CDH12: variants seen among roughly 807,000 people sequenced by gnomAD.
CDH12 encodes cadherin-12.
Under a neutral mutation model 74.1 loss-of-function variants are expected in CDH12, and 41 were observed. The observed-to-expected ratio is 0.55, with a 90% confidence interval of 0.43 to 0.72. The LOEUF (loss-of-function observed/expected upper bound fraction) is 0.72, where lower values mean the gene tolerates loss of function less well. CDH12 is among the 30% of genes least tolerant of loss of function. The probability of loss-of-function intolerance (pLI) is 0.00; values close to 1 mark genes in which losing one functional copy is unlikely to be tolerated. For synonymous variants in CDH12, 399 were observed against 355.0 expected (o/e 1.12, Z -1.39); for missense variants, 945 against 977.2 (o/e 0.97, Z 0.44).
chr5:22,811,032 CATAA>C (rs1292217415), intron 1 of CDH12, among the ~76,000 whole-genome samples: 4 of 151,022 alleles, frequency 2.6e-5, no homozygotes, highest in East Asian at 1.9e-4. Context: ...TATGTACATA[CATAA>C]ATATATACAT....
At chr5:21,835,881 T>C (rs983027601) in intron 8 of CDH12, among the ~76,000 whole-genome samples, 1 of 151,842 alleles carries the variant, frequency 6.6e-6, no homozygotes, top group Admixed American at 6.6e-5. Flanking sequence ...GTATAGTTAT[T>C]GGCATATTAT....
intron 1 of CDH12, among the ~76,000 whole-genome samples, chr5:22,783,937 C>T (rs1277233061): frequency 7.9e-5 from 12 of 152,040 alleles, no homozygotes; most frequent in Non-Finnish European, 1.8e-4. Flanking sequence ...AAGTTTGCTC[C>T]TGATAAATCT....
intron 2 of CDH12, among the ~76,000 whole-genome samples, chr5:22,493,647 T>G (rs537110295): frequency 3.3e-5 from 5 of 152,172 alleles, no homozygotes; most frequent in African/African-American, 1.2e-4. Context: ...TGGGTAAAAT[T>G]TTTCCAGGTA....
chr5:22,745,446 T>C (rs971122039), intron 1 of CDH12, among the ~76,000 whole-genome samples: 1 of 152,188 alleles, frequency 6.6e-6, no homozygotes, highest in Non-Finnish European at 1.5e-5. Context: ...TAAATCATTC[T>C]ATTTTGAAGA....
At chr5:22,381,495 T>C (rs1229879499) in intron 3 of CDH12, among the ~76,000 whole-genome samples, 1 of 151,978 alleles carries the variant, frequency 6.6e-6, no homozygotes, top group Non-Finnish European at 1.5e-5. Flanking sequence ...TCTGGGACAT[T>C]TTATTTATTT....
intron 4 of CDH12, among the ~76,000 whole-genome samples, chr5:22,131,307 A>C (rs1019331347): frequency 1.3e-5 from 2 of 152,018 alleles, no homozygotes; most frequent in Admixed American, 1.3e-4. Context: ...TGATTTAGAC[A>C]CAACTGTCAC....
At chr5:22,343,329 G>GACACACAC (rs1739970614) in intron 3 of CDH12, among the ~76,000 whole-genome samples, 1 of 111,810 alleles carries the variant, frequency 8.9e-6, no homozygotes, top group African/African-American at 3.8e-5. Context: ...CACACAGAGA[G>GACACACAC]AGAGAGAGAG....
intron 3 of CDH12, among the ~76,000 whole-genome samples, chr5:22,387,030 G>A (rs900317242): frequency 2.6e-5 from 4 of 151,876 alleles, no homozygotes; most frequent in African/African-American, 9.7e-5. Flanking sequence ...AAAGTAATAT[G>A]ATTAAGTCTT....
intron 1 of CDH12, among the ~76,000 whole-genome samples, chr5:22,681,491 G>A (rs1045064952): frequency 6.6e-6 from 1 of 151,926 alleles, no homozygotes; most frequent in Non-Finnish European, 1.5e-5. Context: ...TGGAATAAGG[G>A]CTGCAAGATC....
chr5:22,338,829 G>T (rs1025586782), intron 3 of CDH12, among the ~76,000 whole-genome samples: 3 of 152,176 alleles, frequency 2.0e-5, no homozygotes, highest in African/African-American at 7.2e-5. Flanking sequence ...TAACTTGTTG[G>T]CTTTGAAGAA....
intron 4 of CDH12, among the ~76,000 whole-genome samples, chr5:22,153,598 T>G (rs1409668253): frequency 6.6e-6 from 1 of 151,112 alleles, no homozygotes; most frequent in African/African-American, 2.4e-5. Flanking sequence ...TAAGCCTCAG[T>G]TTCTTTATCT....
At chr5:22,845,512 A>G (rs1737261526) in intron 1 of CDH12, among the ~76,000 whole-genome samples, 1 of 152,140 alleles carries the variant, frequency 6.6e-6, no homozygotes, top group African/African-American at 2.4e-5. Flanking sequence ...TGTGCCCTCT[A>G]TGTGCGACTA....
chr5:22,084,653 G>A (rs1742950285), intron 4 of CDH12, among the ~76,000 whole-genome samples: 1 of 152,078 alleles, frequency 6.6e-6, no homozygotes, highest in South Asian at 2.1e-4. Context: ...TAACACTACA[G>A]TCCTTCAGTG....
At chr5:22,759,351 T>C (rs1289035728) in intron 1 of CDH12, among the ~76,000 whole-genome samples, 1 of 152,230 alleles carries the variant, frequency 6.6e-6, no homozygotes, top group Non-Finnish European at 1.5e-5. Context: ...TTTCCTGTCC[T>C]TATGCTAAAC....
intron 6 of CDH12, among the ~76,000 whole-genome samples, chr5:21,974,218 G>A (rs947738220): frequency 4.6e-5 from 7 of 151,386 alleles, no homozygotes; most frequent in South Asian, 4.1e-4. Flanking sequence ...GCTCATACAC[G>A]AATTTTAAGT....
chr5:22,284,317 T>C (rs957847899), intron 3 of CDH12, among the ~76,000 whole-genome samples: 2 of 152,150 alleles, frequency 1.3e-5, no homozygotes, highest in Admixed American at 1.3e-4. Context: ...ATTATCTCAG[T>C]TTCTTTAGGT....
At chr5:21,813,559 G>A (rs207465713) in intron 9 of CDH12, among the ~76,000 whole-genome samples, 19 of 152,184 alleles carry the variant, frequency 1.2e-4, no homozygotes, top group South Asian at 4.1e-4. Context: ...TCTATATCAC[G>A]ATCTGTTAAT....
At chr5:21,851,564 T>C (rs999324227) in intron 7 of CDH12, among the ~76,000 whole-genome samples, 7 of 151,196 alleles carry the variant, frequency 4.6e-5, no homozygotes, top group African/African-American at 1.7e-4. Flanking sequence ...TAGTTGTAGC[T>C]ACATTTTGAG....
In CDH12 at chr5:22,425,143, A is replaced by G. The variant is rs539424065; in HGVS notation, c.-427-19792T>C. 1.3e-3 allele frequency among the ~76,000 whole-genome samples: 156 copies of G among 124,014 alleles called. 1 individual carries two copies. Among genetic ancestry groups the G allele is most frequent in the East Asian group, 0.01 (40 of 3,930 alleles). 81.4% of individuals were successfully genotyped at this position (124,014 alleles called of 152,430 possible). A position where few individuals can be genotyped will look rare whatever the true frequency, so the allele number is the denominator to read the frequency against. ...ATGATATATATGTAAAATTATATAT[A>G]TGTGTGTGTGTATATATATATATAT... On this transcript the variant is annotated intron_variant, in intron 2 of 14. Transcript: ENST00000382254.
Sources: gnomAD v4.1 joint callset for allele counts (sites outside exome capture counted in the v4.1 genomes callset) on GRCh38, gnomAD v4.1.1 for gene constraint, MANE v1.5 for transcripts, NCBI Gene and HGNC (gene_info 2026-07-23, HGNC 2026-07-21) for gene names.